GRM8: variants seen among roughly 807,000 people sequenced by gnomAD.
GRM8 encodes metabotropic glutamate receptor 8.
Under a neutral mutation model 87.2 loss-of-function variants are expected in GRM8, and 47 were observed. That is an observed-to-expected ratio of 0.54 (90% CI 0.43 to 0.69). The LOEUF is 0.69. GRM8 is among the 30% of genes least tolerant of loss of function. GRM8 has a pLI of 0.00. For missense variants in GRM8, 1,019 were observed against 1,139.2 expected (o/e 0.89, Z 1.52); for synonymous variants, 396 against 404.5 (o/e 0.98, Z 0.25).
intron 9 of GRM8, among the ~76,000 whole-genome samples, chr7:126,522,069 A>G (rs1485508622): frequency 2.6e-5 from 4 of 152,218 alleles, no homozygotes; most frequent in Non-Finnish European, 5.9e-5. Flanking sequence ...CTTTTAGTCC[A>G]GACCAGAGAG....
chr7:127,148,350 AATAG>A (rs1328048627), intron 2 of GRM8, among the ~76,000 whole-genome samples: 2 of 152,008 alleles, frequency 1.3e-5, no homozygotes, highest in Non-Finnish European at 1.5e-5. Flanking sequence ...GACACGGGGA[AATAG>A]ATAGCAATAC....
chr7:126,813,671 C>A (rs1440297602), intron 6 of GRM8, among the ~76,000 whole-genome samples: 1 of 152,090 alleles, frequency 6.6e-6, no homozygotes, highest in Non-Finnish European at 1.5e-5. Context: ...CCTCAAGAAC[C>A]CTTAACACCC....
intron 8 of GRM8, among the ~76,000 whole-genome samples, chr7:126,538,499 T>C (rs945609933): frequency 6.6e-6 from 1 of 152,052 alleles, no homozygotes; most frequent in Non-Finnish European, 1.5e-5. Context: ...TCAAGTGGTA[T>C]TTTTTTAATG....
chr7:126,894,128 C>T (rs1006170073), intron 6 of GRM8, among the ~76,000 whole-genome samples: 11 of 152,026 alleles, frequency 7.2e-5, no homozygotes, highest in Non-Finnish European at 1.3e-4. Context: ...ATTGAATCAT[C>T]TATACATTGT....
intron 2 of GRM8, among the ~76,000 whole-genome samples, chr7:127,131,821 C>A (rs1827706124): frequency 1.3e-5 from 2 of 152,168 alleles, no homozygotes; most frequent in South Asian, 4.1e-4. Flanking sequence ...TATAATTTAA[C>A]ATTTCCTCTT....
At chr7:127,245,310 C>T (rs144671039) in intron 1 of GRM8, among the ~76,000 whole-genome samples, 267 of 152,246 alleles carry the variant, frequency 1.8e-3, no homozygotes, top group African/African-American at 6.0e-3. Flanking sequence ...GTGGCTGAGC[C>T]GACCCTTGTT....
intron 6 of GRM8, among the ~76,000 whole-genome samples, chr7:126,849,599 T>C (rs889904865): frequency 2.0e-5 from 3 of 152,228 alleles, no homozygotes; most frequent in African/African-American, 7.2e-5. Context: ...CCATCTACTT[T>C]CGTTCTCCTA....
rs748569648 is a variant in GRM8 at position 127,242,937 on chromosome 7, G to C, written c.268C>G (p.Pro90Ala). ...LYAIDQINKD[P>A]DLLSNITLGV... is the part of the protein sequence containing the mutation. The stretch of plus-strand genomic sequence containing the variant: ...AGAGTGATGTTGGAAAGGAGATCAG[G>C]GTCCTTGTTAATCTGGTCAATTGCA... The change falls in exon 2 of 11, where the codon CCT (proline) becomes GCT (alanine). Residue 90 changes from proline (P) to alanine (A), a missense_variant. Physicochemically the swap from Pro to Ala is conservative, Grantham distance 27 (BLOSUM62 -1). Coordinates refer to ENST00000339582, the MANE Select transcript of GRM8 (RefSeq NM_000845.3). 7 of 1,614,110 alleles carry C rather than the reference G, an allele frequency of 4.3e-6. No individual in the cohort carries two copies. The South Asian group carries it at 7.7e-5, about 18-fold the overall frequency.
intron 9 of GRM8, among the ~76,000 whole-genome samples, chr7:126,513,276 G>A (rs1811669208): frequency 6.6e-6 from 1 of 152,080 alleles, no homozygotes; most frequent in African/African-American, 2.4e-5. Context: ...TAGAATGAAT[G>A]TGTGTGGTCT....
intron 2 of GRM8, among the ~76,000 whole-genome samples, chr7:127,176,507 A>G (rs901119824): frequency 1.3e-5 from 2 of 152,190 alleles, no homozygotes; most frequent in African/African-American, 2.4e-5. Context: ...ACAGCTCCAG[A>G]GACAGCAACG....
Position 126,733,456 on chromosome 7 carries a change from G to A in GRM8, c.1357+36409C>T, listed in dbSNP as rs1425554775. Among the ~76,000 whole-genome samples, 8 of 148,512 alleles carry A rather than the reference G, an allele frequency of 5.4e-5. No homozygotes were observed. The South Asian group carries it at 6.3e-4, about 12-fold the overall frequency. On this transcript the variant is annotated intron_variant, in intron 7 of 10. Transcript: ENST00000339582. ...AATTAAAAAAATAAGTGGCTTGCTT[G>A]GAAAAAAAAGAGGAAAAAAAAATAA...
intron 6 of GRM8, among the ~76,000 whole-genome samples, chr7:126,779,414 T>C (rs183212299): frequency 6.6e-5 from 10 of 152,244 alleles, no homozygotes; most frequent in African/African-American, 1.9e-4. Flanking sequence ...TTATTATGTG[T>C]TTATGTTATA....
intron 7 of GRM8, among the ~76,000 whole-genome samples, chr7:126,658,071 A>G (rs1804730919): frequency 1.3e-5 from 2 of 152,280 alleles, no homozygotes; most frequent in African/African-American, 2.4e-5. Flanking sequence ...ATGGAACTAG[A>G]GCTTTTAAAA....
At chr7:126,636,055 GAAAAT>G (rs1801821551) in intron 7 of GRM8, among the ~76,000 whole-genome samples, 1 of 151,976 alleles carries the variant, frequency 6.6e-6, no homozygotes, top group Admixed American at 6.6e-5. Flanking sequence ...TGTCTGAAAA[GAAAAT>G]AAAAATATTC....
intron 7 of GRM8, among the ~76,000 whole-genome samples, chr7:126,756,544 A>C (rs1817024000): frequency 6.6e-6 from 1 of 152,100 alleles, no homozygotes; most frequent in South Asian, 2.1e-4. Flanking sequence ...ACTATATCAA[A>C]ATATACAAAG....
chr7:127,126,785 A>C (rs1481008380), intron 2 of GRM8, among the ~76,000 whole-genome samples: 1 of 152,044 alleles, frequency 6.6e-6, no homozygotes, highest in East Asian at 1.9e-4. Context: ...CATTATTAAT[A>C]AAATATAAGT....
At chr7:126,601,404 G>A (rs1214351401) in intron 8 of GRM8, among the ~76,000 whole-genome samples, 3 of 152,110 alleles carry the variant, frequency 2.0e-5, no homozygotes, top group Non-Finnish European at 4.4e-5. Context: ...GTGTGCATGT[G>A]TCTTTATAGC....
chr7:127,193,614 A>G (rs1299336611), intron 2 of GRM8, among the ~76,000 whole-genome samples: 1 of 152,254 alleles, frequency 6.6e-6, no homozygotes, highest in Non-Finnish European at 1.5e-5. Context: ...AGAGTGAGGT[A>G]GTAGCTTCTT....
intron 9 of GRM8, among the ~76,000 whole-genome samples, chr7:126,469,563 T>G (rs1349205332): frequency 1.3e-5 from 2 of 152,056 alleles, no homozygotes; most frequent in African/African-American, 4.8e-5. Context: ...ATTCTTGTGA[T>G]AGTGAGTTCT....
Sources: allele counts gnomAD v4.1 joint callset (sites outside exome capture counted in the v4.1 genomes callset), GRCh38; gene constraint gnomAD v4.1.1; transcripts MANE v1.5; gene names NCBI Gene and HGNC (gene_info 2026-07-23, HGNC 2026-07-21).